The following ELAVL2 variants were observed in gnomAD, a reference collection of about 807,000 sequenced individuals.
ELAVL2 encodes ELAV like RNA binding protein 2.
In ELAVL2, 4 loss-of-function variants were observed where a neutral mutation model predicts 34.6. The observed-to-expected ratio is 0.12, with a 90% CI of 0.06 to 0.26. The LOEUF is 0.26. Ranked by LOEUF, ELAVL2 falls within the 10% of genes least tolerant of loss-of-function variation. The pLI, the probability that ELAVL2 is intolerant of heterozygous loss-of-function variation, is 1.00. For missense variants in ELAVL2, 432 were observed against 442.8 expected, an observed-to-expected ratio of 0.98 and a Z score of 0.22; for synonymous variants, 193 against 154.8, an observed-to-expected ratio of 1.25 and a Z score of -1.83.
At chr9:23,693,881 C>A (rs1181098387) in intron 5 of ELAVL2, among the ~76,000 whole-genome samples, 2 of 152,208 alleles carry the variant, frequency 1.3e-5, no homozygotes, top group Non-Finnish European at 2.9e-5. Context: ...ATACCTAAGG[C>A]ACACAGGGTT....
intron 1 of ELAVL2, among the ~76,000 whole-genome samples, chr9:23,793,074 T>A (rs2060512553): frequency 6.6e-6 from 1 of 152,170 alleles, no homozygotes; most frequent in Admixed American, 6.6e-5. Flanking sequence ...CACCACTGCC[T>A]GGCCTGTTTC....
chr9:23,819,486 T>C (rs2064217039), intron 1 of ELAVL2, among the ~76,000 whole-genome samples: 2 of 152,144 alleles, frequency 1.3e-5, no homozygotes, highest in Non-Finnish European at 1.5e-5. Flanking sequence ...ACAAGAAGCA[T>C]ATCCTATAAC....
At chr9:23,797,947 A>C (rs1195574950) in intron 1 of ELAVL2, among the ~76,000 whole-genome samples, 1 of 151,390 alleles carries the variant, frequency 6.6e-6, no homozygotes, top group Non-Finnish European at 1.5e-5. Context: ...AAAAAAGAAA[A>C]GAAAAGAAAA....
intron 3 of ELAVL2, among the ~76,000 whole-genome samples, chr9:23,713,006 C>G (rs2133759020): frequency 1.3e-5 from 2 of 152,346 alleles, no homozygotes; most frequent in Middle Eastern, 3.4e-3. Flanking sequence ...CTCTGACAAA[C>G]TACACTGCAC....
At chr9:23,799,600 G>T (rs62541669) in intron 1 of ELAVL2, among the ~76,000 whole-genome samples, 1 of 152,094 alleles carries the variant, frequency 6.6e-6, no homozygotes, top group Non-Finnish European at 1.5e-5. Context: ...TTAATTCTTT[G>T]TCACTGATGC....
intron 2 of ELAVL2, among the ~76,000 whole-genome samples, chr9:23,757,697 G>C (rs970027645): frequency 6.6e-6 from 1 of 152,028 alleles, no homozygotes; most frequent in Non-Finnish European, 1.5e-5. Flanking sequence ...CCTATAGATA[G>C]GAAACAGGCT....
At chr9:23,819,175 T>C (rs2064163102) in intron 1 of ELAVL2, among the ~76,000 whole-genome samples, 1 of 152,136 alleles carries the variant, frequency 6.6e-6, no homozygotes, top group African/African-American at 2.4e-5. Context: ...CATCTGTCTG[T>C]GTATAAATAA....
At chr9:23,832,638 A>G in the ELAVL2 span, among the ~76,000 whole-genome samples, 2 of 152,126 alleles carry the variant, frequency 1.3e-5, no homozygotes, top group East Asian at 1.9e-4. Flanking sequence ...GATACATGGC[A>G]TTTTCCACAA....
chr9:23,721,663 T>C (rs1425889384), intron 3 of ELAVL2, among the ~76,000 whole-genome samples: 2 of 152,156 alleles, frequency 1.3e-5, no homozygotes, highest in African/African-American at 4.8e-5. Flanking sequence ...GTGGGTGCAC[T>C]TAATATGGGA....
chr9:23,800,137 G>A (rs918282565), intron 1 of ELAVL2, among the ~76,000 whole-genome samples: 2 of 152,166 alleles, frequency 1.3e-5, no homozygotes, highest in East Asian at 3.9e-4. Flanking sequence ...AGAAAAGAAA[G>A]TAGCTAATAA....
intron 1 of ELAVL2, among the ~76,000 whole-genome samples, chr9:23,776,957 G>C (rs185495753): frequency 6.6e-6 from 1 of 152,096 alleles, no homozygotes; most frequent in Non-Finnish European, 1.5e-5. Flanking sequence ...AAATTATAAA[G>C]AAGAGCAGGC....
intron 3 of ELAVL2, among the ~76,000 whole-genome samples, chr9:23,709,607 A>G (rs950255015): frequency 1.3e-5 from 2 of 152,188 alleles, no homozygotes; most frequent in African/African-American, 4.8e-5. Flanking sequence ...TAAATGACAA[A>G]TTCTATTTAG....
intron 1 of ELAVL2, among the ~76,000 whole-genome samples, chr9:23,814,430 C>G (rs745385039): frequency 2.0e-5 from 3 of 152,208 alleles, no homozygotes; most frequent in Non-Finnish European, 2.9e-5. Flanking sequence ...ACAGACGCAT[C>G]CCAAAGAGGG....
intron 1 of ELAVL2, among the ~76,000 whole-genome samples, chr9:23,791,032 T>A (rs545065419): frequency 1.3e-5 from 2 of 152,356 alleles, no homozygotes; most frequent in East Asian, 3.9e-4. Context: ...ATATATGTTC[T>A]GTTTAAGTGG....
At chr9:23,834,087 G>C in the ELAVL2 span, among the ~76,000 whole-genome samples, 2 of 151,928 alleles carry the variant, frequency 1.3e-5, no homozygotes, top group Non-Finnish European at 2.9e-5. Context: ...AATTAGATTA[G>C]AGACAATAAA....
intron 1 of ELAVL2, among the ~76,000 whole-genome samples, chr9:23,793,317 A>G (rs1236191177): frequency 6.6e-6 from 1 of 152,186 alleles, no homozygotes; most frequent in Non-Finnish European, 1.5e-5. Flanking sequence ...GAAAGATGGT[A>G]CCAATTTCAG....
chr9:23,790,422 A>AG (rs1286352462), intron 1 of ELAVL2, among the ~76,000 whole-genome samples: 1 of 152,200 alleles, frequency 6.6e-6, no homozygotes, highest in Non-Finnish European at 1.5e-5. Flanking sequence ...GCTTTGGAAT[A>AG]GATTTTCTAC....
At chr9:23,727,665 C>A (rs1426234035) in intron 3 of ELAVL2, among the ~76,000 whole-genome samples, 1 of 152,110 alleles carries the variant, frequency 6.6e-6, no homozygotes, top group Middle Eastern at 3.4e-3. Context: ...CAGTGGATCC[C>A]AGAAACTGTA....
chr9:23,770,886 A>T (rs1413570033), intron 1 of ELAVL2, among the ~76,000 whole-genome samples: 1 of 152,248 alleles, frequency 6.6e-6, no homozygotes, highest in African/African-American at 2.4e-5. Flanking sequence ...TTCTAGGCAG[A>T]GACCTGCCAG....
Sources: allele counts gnomAD v4.1 joint callset (sites outside exome capture counted in the v4.1 genomes callset), GRCh38; gene constraint gnomAD v4.1.1; transcripts MANE v1.5; gene names NCBI Gene and HGNC (gene_info 2026-07-23, HGNC 2026-07-21).